PDE7A: variants seen among roughly 807,000 people sequenced by gnomAD.
PDE7A encodes high affinity 3',5'-cyclic-AMP phosphodiesterase 7A.
Under a neutral mutation model 64.3 loss-of-function variants are expected in PDE7A, and 39 were observed. That is an observed-to-expected ratio of 0.61 (90% confidence interval 0.47 to 0.79). The LOEUF (loss-of-function observed/expected upper bound fraction) is 0.79. Among genes scored for constraint, PDE7A ranks in the 30% least tolerant of loss-of-function variants. PDE7A has a pLI of 0.00. For missense variants in PDE7A, 470 were observed against 582.8 expected (o/e 0.81, Z 1.99); for synonymous variants, 203 against 206.8 (o/e 0.98, Z 0.16).
chr8:65,813,324 A>C (rs1326559476), intron 1 of PDE7A, among the ~76,000 whole-genome samples: 1 of 152,186 alleles, frequency 6.6e-6, no homozygotes, highest in African/African-American at 2.4e-5. Context: ...TATTAAAAAA[A>C]AATACAAGAA....
At chr8:65,818,373 T>C (rs1187727997) in intron 1 of PDE7A, among the ~76,000 whole-genome samples, 1 of 152,244 alleles carries the variant, frequency 6.6e-6, no homozygotes, top group Non-Finnish European at 1.5e-5. Flanking sequence ...TTTAGCATCA[T>C]GATCAAGACA....
At chr8:65,728,254 C>T (rs1806689166) in intron 7 of PDE7A, 2 of 152,144 alleles carry the variant, frequency 1.3e-5, no homozygotes, top group South Asian at 2.1e-4. Context: ...GATTATTATA[C>T]TGAACTAACA....
chr8:65,738,931 G>T (rs1267046274), intron 6 of PDE7A, among the ~76,000 whole-genome samples: 1 of 152,210 alleles, frequency 6.6e-6, no homozygotes, highest in African/African-American at 2.4e-5. Context: ...ACAATTTCCT[G>T]TATCTGTGGC....
At chr8:65,840,398 G>GCACACACACA (rs746987926) in intron 1 of PDE7A, among the ~76,000 whole-genome samples, 12 of 109,666 alleles carry the variant, frequency 1.1e-4, no homozygotes, top group African/African-American at 6.2e-4. Flanking sequence ...CACACTACCT[G>GCACACACACA]CACACACACA....
chr8:65,781,979 G>A (rs1379108784), intron 2 of PDE7A, among the ~76,000 whole-genome samples: 3 of 152,110 alleles, frequency 2.0e-5, no homozygotes, highest in Non-Finnish European at 4.4e-5. Flanking sequence ...AAAGGAATAG[G>A]AGTTACAATA....
intron 3 of PDE7A, among the ~76,000 whole-genome samples, chr8:65,764,441 G>A (rs1197108915): frequency 2.0e-5 from 3 of 152,140 alleles, no homozygotes; most frequent in African/African-American, 7.2e-5. Context: ...AACAGATAAT[G>A]GTTGGAAAAA....
At chr8:65,771,221 C>T (rs532691078) in intron 3 of PDE7A, 83 of 158,132 alleles carry the variant, frequency 5.2e-4, no homozygotes, top group African/African-American at 1.9e-3. Context: ...TAAACCCAAA[C>T]GTTGCTTATA....
intron 3 of PDE7A, among the ~76,000 whole-genome samples, chr8:65,773,894 A>T (rs550418264): frequency 2.0e-5 from 3 of 152,226 alleles, no homozygotes; most frequent in African/African-American, 7.2e-5. Context: ...AGTGAATGTT[A>T]GGGGGTAGGC....
At chr8:65,825,300 A>G (rs1454266365) in intron 1 of PDE7A, among the ~76,000 whole-genome samples, 1 of 152,192 alleles carries the variant, frequency 6.6e-6, no homozygotes, top group African/African-American at 2.4e-5. Flanking sequence ...CTGTTAGCAA[A>G]TATCACCCAG....
In PDE7A at chr8:65,827,831, C is replaced by T. The variant is rs551953820; in HGVS notation, c.138+13540G>A. Among the ~76,000 whole-genome samples, 4 of 152,270 alleles carry T rather than the reference C, an allele frequency of 2.6e-5. No individual in the cohort carries two copies. The East Asian group carries it at 7.7e-4, about 29-fold the overall frequency. On this transcript the variant is annotated intron_variant, in intron 1 of 12. Transcript: ENST00000401827. The stretch of plus-strand genomic sequence containing the variant: ...TAGATTTGTGTAAATATGATGTTCA[C>T]ACAACGACGAAATCGCCTAATGATG...
intron 1 of PDE7A, among the ~76,000 whole-genome samples, chr8:65,841,034 C>T (rs981376630): frequency 2.6e-5 from 4 of 152,158 alleles, no homozygotes; most frequent in African/African-American, 9.7e-5. Context: ...ACCCTGGGGC[C>T]ACGACTAAGG....
chr8:65,819,623 T>C (rs918709994), intron 1 of PDE7A, among the ~76,000 whole-genome samples: 1 of 152,232 alleles, frequency 6.6e-6, no homozygotes, highest in African/African-American at 2.4e-5. Flanking sequence ...TACACACAAC[T>C]GATACATTAC....
At chr8:65,814,794 C>G (rs2128930815) in intron 1 of PDE7A, among the ~76,000 whole-genome samples, 1 of 152,162 alleles carries the variant, frequency 6.6e-6, no homozygotes, top group South Asian at 2.1e-4. Flanking sequence ...CACCTGAGGT[C>G]AGGAGATCGA....
chr8:65,726,741 AATTT>A (rs1330469098), intron 9 of PDE7A, 130 bp downstream of exon 9: 3 of 538,346 alleles, frequency 5.6e-6, no homozygotes, highest in Non-Finnish European at 1.0e-5. Flanking sequence ...AATTGTATAT[AATTT>A]ATTAAATTTG....
chr8:65,831,120 G>A lies in PDE7A; in HGVS notation c.138+10251C>T, dbSNP rs1034088129. 2.0e-5 allele frequency among the ~76,000 whole-genome samples: 3 copies of A among 151,988 alleles called. No individual in the cohort carries two copies. The South Asian group carries it at 6.2e-4, about 32-fold the overall frequency. On this transcript the variant is annotated intron_variant, in intron 1 of 12. Transcript: ENST00000401827. ...TGAAAAACTCAAGATGTGGGAGAAGGTACACAGTTTTTTTGTTGTTCAAGT... is the reference window on the plus strand; with the variant it reads ...TGAAAAACTCAAGATGTGGGAGAAGATACACAGTTTTTTTGTTGTTCAAGT...
At chr8:65,795,169 T>C (rs1385618099) in intron 1 of PDE7A, among the ~76,000 whole-genome samples, 2 of 152,210 alleles carry the variant, frequency 1.3e-5, no homozygotes, top group African/African-American at 2.4e-5. Flanking sequence ...ACATGAAACA[T>C]TGTTTTCAGA....
chr8:65,724,443 A>G (rs904186504), intron 10 of PDE7A, 92 bp from the exon 11 acceptor site: 17 of 714,482 alleles, frequency 2.4e-5, no homozygotes, highest in Non-Finnish European at 3.5e-5. Flanking sequence ...TTAACCATAA[A>G]TATAAATAAA....
intron 3 of PDE7A, among the ~76,000 whole-genome samples, chr8:65,748,980 T>C (rs1807809365): frequency 6.6e-6 from 1 of 152,202 alleles, no homozygotes. Flanking sequence ...ATCATCTTAA[T>C]ATGAACTTCA....
At chr8:65,761,363 CCT>C (rs1299946331) in intron 3 of PDE7A, among the ~76,000 whole-genome samples, 2 of 152,084 alleles carry the variant, frequency 1.3e-5, no homozygotes, top group African/African-American at 4.8e-5. Context: ...CACGCCTGGC[CCT>C]CTTACCAATA....
Sources: gnomAD v4.1 joint callset for allele counts (sites outside exome capture counted in the v4.1 genomes callset) on GRCh38, gnomAD v4.1.1 for gene constraint, MANE v1.5 for transcripts, NCBI Gene and HGNC (gene_info 2026-07-23, HGNC 2026-07-21) for gene names.